Variants in NRXN3 observed in about 807,000 individuals in gnomAD.
NRXN3 encodes the protein neurexin III.
In NRXN3, 32 loss-of-function variants were observed where a neutral mutation model predicts 137.6. That is an observed-to-expected ratio of 0.23 (90% CI 0.18 to 0.31). The LOEUF is 0.31. Among genes scored for constraint, NRXN3 ranks in the 10% least tolerant of loss-of-function variants. The probability of loss-of-function intolerance (pLI) is 1.00; values close to 1 mark genes in which losing one functional copy is unlikely to be tolerated. For missense variants in NRXN3, 1,574 were observed against 2,062.5 expected, an observed-to-expected ratio of 0.76 and a Z score of 4.59; for synonymous variants, 798 against 784.5, an observed-to-expected ratio of 1.02 and a Z score of -0.29.
chr14:79,411,620 T>A (rs1025520164), intron 15 of NRXN3, among the ~76,000 whole-genome samples: 2 of 152,172 alleles, frequency 1.3e-5, no homozygotes, highest in East Asian at 3.9e-4. Flanking sequence ...ACTGCTACTT[T>A]GATTTTACAG....
intron 16 of NRXN3, among the ~76,000 whole-genome samples, chr14:79,556,362 G>T (rs2097429639): frequency 6.6e-6 from 1 of 152,122 alleles, no homozygotes; most frequent in South Asian, 2.1e-4. Context: ...ATAGAAAAAT[G>T]AAATGACTTC....
At chr14:78,719,208 A>T (rs1305427095) in intron 8 of NRXN3, among the ~76,000 whole-genome samples, 2 of 152,234 alleles carry the variant, frequency 1.3e-5, no homozygotes, top group Non-Finnish European at 2.9e-5. Context: ...AAAGTAAATA[A>T]AGCTCAGCAC....
At chr14:79,348,803 T>G (rs2153383668) in intron 15 of NRXN3, among the ~76,000 whole-genome samples, 1 of 152,320 alleles carries the variant, frequency 6.6e-6, no homozygotes, top group East Asian at 1.9e-4. Context: ...TAGAATTGCT[T>G]AAACTTCTGC....
chr14:79,370,523 G>T (rs150277327), intron 15 of NRXN3, among the ~76,000 whole-genome samples: 1 of 151,538 alleles, frequency 6.6e-6, no homozygotes, highest in African/African-American at 2.4e-5. Context: ...TCTCCATGTC[G>T]GTCAGGCTGG....
intron 8 of NRXN3, among the ~76,000 whole-genome samples, chr14:78,726,668 A>G (rs1186049671): frequency 6.6e-6 from 1 of 151,748 alleles, no homozygotes; most frequent in Non-Finnish European, 1.5e-5. Flanking sequence ...ACAGGCATGT[A>G]CCATCACACC....
intron 17 of NRXN3, among the ~76,000 whole-genome samples, chr14:79,672,197 G>A (rs1262214183): frequency 2.0e-5 from 3 of 151,954 alleles, no homozygotes; most frequent in African/African-American, 7.2e-5. Flanking sequence ...CCCATTTTTA[G>A]TAGACTATCT....
chr14:78,971,425 CATAT>C (rs10560521), intron 14 of NRXN3, among the ~76,000 whole-genome samples: 22,551 of 148,366 alleles, frequency 0.15, 2,599 homozygotes, highest in African/African-American at 0.34. Context: ...CACAGATAAA[CATAT>C]ATATATATAT....
intron 16 of NRXN3, among the ~76,000 whole-genome samples, chr14:79,607,460 T>A (rs1402833260): frequency 1.3e-5 from 2 of 152,162 alleles, no homozygotes; most frequent in Non-Finnish European, 2.9e-5. Context: ...GGCAAAAGCG[T>A]AACATAAGAA....
chr14:79,407,885 A>G (rs1050122833), intron 15 of NRXN3, among the ~76,000 whole-genome samples: 1 of 152,058 alleles, frequency 6.6e-6, no homozygotes, highest in African/African-American at 2.4e-5. Context: ...GGTGTTCATT[A>G]TTGTTGATAT....
At chr14:79,826,228 G>A (rs2099300217) in intron 20 of NRXN3, among the ~76,000 whole-genome samples, 1 of 152,060 alleles carries the variant, frequency 6.6e-6, no homozygotes. Context: ...CCTGGCCTCA[G>A]GTGATCTGCC....
At chr14:78,478,103 G>A (rs1347460624) in intron 4 of NRXN3, among the ~76,000 whole-genome samples, 3 of 152,176 alleles carry the variant, frequency 2.0e-5, no homozygotes, top group African/African-American at 4.8e-5. Context: ...GGGTTTAATG[G>A]TTTTGATATT....
intron 15 of NRXN3, among the ~76,000 whole-genome samples, chr14:79,459,175 T>C (rs2153600338): frequency 1.3e-5 from 2 of 152,236 alleles, no homozygotes; most frequent in East Asian, 3.9e-4. Context: ...TTTTACCTTA[T>C]TCTATAGCTT....
In NRXN3 at chr14:79,467,231, G is replaced by T; in HGVS notation, c.3273G>T (p.Thr1091=). ...TCCTTGCTTTTGCAGCTGGCGCTAC[G>T]TACATCTTTGGGAAAAGTGGTGGGC... ...SGNQCNDPGA[T]YIFGKSGGLI... The change falls in exon 16 of 21, where the codon ACG becomes ACT. Residue 1091 remains threonine (T), a synonymous_variant. Coordinates refer to ENST00000335750, the MANE Select transcript of NRXN3 (RefSeq NM_001330195.2). The T allele has an allele frequency of 1.2e-6, 2 of 1,600,442 alleles. No individual in the cohort carries two copies. The highest frequency in any genetic ancestry group is 1.1e-5 in the South Asian group (1 of 90,498).
chr14:78,453,681 A>G (rs778626000), intron 4 of NRXN3, among the ~76,000 whole-genome samples: 4 of 152,208 alleles, frequency 2.6e-5, no homozygotes, highest in Non-Finnish European at 1.5e-5. Context: ...GTCTTTGTAG[A>G]TGATCGAGTT....
intron 15 of NRXN3, among the ~76,000 whole-genome samples, chr14:79,375,897 A>G (rs1485480815): frequency 6.6e-6 from 1 of 151,766 alleles, no homozygotes; most frequent in Admixed American, 6.6e-5. Flanking sequence ...CTAATTCCCA[A>G]TCAAGGCATT....
At chr14:79,338,464 A>C (rs2092412873) in intron 15 of NRXN3, among the ~76,000 whole-genome samples, 1 of 152,116 alleles carries the variant, frequency 6.6e-6, no homozygotes, top group Non-Finnish European at 1.5e-5. Flanking sequence ...AGATAGGATC[A>C]TGTGTATCGA....
intron 15 of NRXN3, among the ~76,000 whole-genome samples, chr14:79,082,970 C>T (rs984063694): frequency 4.6e-5 from 7 of 152,132 alleles, no homozygotes; most frequent in Non-Finnish European, 1.5e-5. Context: ...TACACTACAC[C>T]ATTGCCATTT....
At chr14:78,740,458 A>T (rs1462448744) in intron 8 of NRXN3, among the ~76,000 whole-genome samples, 3 of 151,768 alleles carry the variant, frequency 2.0e-5, no homozygotes, top group Admixed American at 2.0e-4. Context: ...AAATTCTTCT[A>T]AAAGACACCC....
At chr14:79,198,223 T>G (rs73325830) in intron 15 of NRXN3, among the ~76,000 whole-genome samples, 7,382 of 152,280 alleles carry the variant, frequency 0.048, 609 homozygotes, top group African/African-American at 0.17. Context: ...TGTTTTGAAT[T>G]GCAAATATTC....
Sources: allele counts gnomAD v4.1 joint callset (sites outside exome capture counted in the v4.1 genomes callset), GRCh38; gene constraint gnomAD v4.1.1; transcripts MANE v1.5; gene names NCBI Gene and HGNC (gene_info 2026-07-23, HGNC 2026-07-21).